The following GRIK2 variants were observed in gnomAD, a reference collection of about 807,000 sequenced individuals.
GRIK2 encodes glutamate ionotropic receptor kainate type subunit 2.
A neutral mutation model predicts 100.3 loss-of-function variants in GRIK2; 32 were observed. That is an observed-to-expected ratio of 0.32 (90% confidence interval 0.24 to 0.43). The LOEUF is 0.43. GRIK2 is among the 20% of genes least tolerant of loss of function. The pLI is 1.00. For synonymous variants in GRIK2, 417 were observed against 389.4 expected, an observed-to-expected ratio of 1.07 and a Z score of -0.83; for missense variants, 843 against 1,114.9, an observed-to-expected ratio of 0.76 and a Z score of 3.47.
chr6:101,555,997 A>C (rs1241521030), intron 2 of GRIK2, among the ~76,000 whole-genome samples: 1 of 152,056 alleles, frequency 6.6e-6, no homozygotes, highest in Non-Finnish European at 1.5e-5. Flanking sequence ...TAGACACTGA[A>C]GTTTTCAGTA....
At chr6:101,521,115 T>C (rs1774860331) in intron 2 of GRIK2, among the ~76,000 whole-genome samples, 1 of 152,102 alleles carries the variant, frequency 6.6e-6, no homozygotes, top group Non-Finnish European at 1.5e-5. Flanking sequence ...ATTAAAAAGT[T>C]TGTAACCATT....
chr6:101,788,705 T>G (rs1482229602), intron 7 of GRIK2, among the ~76,000 whole-genome samples: 2 of 152,224 alleles, frequency 1.3e-5, no homozygotes, highest in Non-Finnish European at 2.9e-5. Flanking sequence ...GCATGATTTA[T>G]AGTCCTTTGG....
intron 16 of GRIK2, among the ~76,000 whole-genome samples, chr6:102,059,317 CTT>C (rs1486639051): frequency 2.0e-5 from 3 of 151,148 alleles, no homozygotes; most frequent in Non-Finnish European, 4.5e-5. Flanking sequence ...TTTATTCAAA[CTT>C]TTAAAATACT....
intron 7 of GRIK2, among the ~76,000 whole-genome samples, chr6:101,790,398 T>A (rs1266128003): frequency 6.6e-6 from 1 of 152,204 alleles, no homozygotes; most frequent in East Asian, 1.9e-4. Context: ...CCTAATTTAT[T>A]GAGAATTTTT....
At chr6:102,032,474 G>T (rs140234125) in intron 14 of GRIK2, among the ~76,000 whole-genome samples, 37 of 151,212 alleles carry the variant, frequency 2.4e-4, no homozygotes, top group African/African-American at 8.9e-4. Flanking sequence ...CCTGCCTAAA[G>T]TTTAAAAAGC....
At chr6:101,746,451 T>C (rs565529986) in intron 7 of GRIK2, among the ~76,000 whole-genome samples, 1 of 152,208 alleles carries the variant, frequency 6.6e-6, no homozygotes, top group African/African-American at 2.4e-5. Flanking sequence ...CTCAGCCTCC[T>C]GAGTAGCTGG....
At chr6:101,639,573 A>G (rs913492166) in intron 4 of GRIK2, among the ~76,000 whole-genome samples, 1 of 151,854 alleles carries the variant, frequency 6.6e-6, no homozygotes, top group African/African-American at 2.4e-5. Context: ...TCTGGGCGAG[A>G]GAGCGACACT....
At chr6:101,935,442 T>G (rs547055553) in intron 14 of GRIK2, among the ~76,000 whole-genome samples, 2 of 152,074 alleles carry the variant, frequency 1.3e-5, no homozygotes, top group South Asian at 4.1e-4. Flanking sequence ...GGAATGAACA[T>G]TCATCTTTTC....
chr6:101,679,932 C>T, intron 5 of GRIK2, among the ~76,000 whole-genome samples: 1 of 152,002 alleles, frequency 6.6e-6, no homozygotes, highest in Admixed American at 6.6e-5. Flanking sequence ...TAGAGACAGG[C>T]TTTCACCATC....
chr6:101,812,008 A>G (rs1161329740), intron 9 of GRIK2, among the ~76,000 whole-genome samples: 1 of 151,496 alleles, frequency 6.6e-6, no homozygotes, highest in East Asian at 1.9e-4. Context: ...CAAAACCTAT[A>G]GTGTAAAATA....
chr6:101,537,264 T>C (rs917882801), intron 2 of GRIK2, among the ~76,000 whole-genome samples: 2 of 151,858 alleles, frequency 1.3e-5, no homozygotes, highest in African/African-American at 4.8e-5. Flanking sequence ...ATTTTTCCCA[T>C]ATTGTTGACA....
chr6:101,992,140 T>G (rs1047580322), intron 14 of GRIK2, among the ~76,000 whole-genome samples: 4 of 151,508 alleles, frequency 2.6e-5, no homozygotes, highest in Non-Finnish European at 5.9e-5. Context: ...TTTATGTTAA[T>G]TAAGAGAGAA....
chr6:101,681,896 G>A (rs1426800874), intron 5 of GRIK2, among the ~76,000 whole-genome samples: 1 of 152,164 alleles, frequency 6.6e-6, no homozygotes, highest in African/African-American at 2.4e-5. Context: ...GAGAGAAAAT[G>A]ACATGGACAC....
At chr6:101,763,984 G>T (rs77113933) in intron 7 of GRIK2, among the ~76,000 whole-genome samples, 1 of 152,032 alleles carries the variant, frequency 6.6e-6, no homozygotes, top group Non-Finnish European at 1.5e-5. Flanking sequence ...AGAGATAAAC[G>T]TTTGTCCTTA....
At chr6:101,796,578 A>C (rs1375329554) in intron 7 of GRIK2, among the ~76,000 whole-genome samples, 1 of 152,206 alleles carries the variant, frequency 6.6e-6, no homozygotes, top group Non-Finnish European at 1.5e-5. Flanking sequence ...AAGTACCCCA[A>C]ACTGGAGAAA....
intron 7 of GRIK2, among the ~76,000 whole-genome samples, chr6:101,739,849 G>GT (rs1463467540): frequency 6.6e-6 from 1 of 152,004 alleles, no homozygotes; most frequent in African/African-American, 2.4e-5. Flanking sequence ...ACAATTTTCT[G>GT]TAAGACATGG....
chr6:101,877,868 A>G (rs1315985170), intron 11 of GRIK2, among the ~76,000 whole-genome samples: 3 of 151,582 alleles, frequency 2.0e-5, no homozygotes, highest in Non-Finnish European at 4.4e-5. Context: ...AGGCTTTGTA[A>G]CTGTAACCTG....
At chr6:101,416,088 T>TG (rs2128239119) in intron 2 of GRIK2, among the ~76,000 whole-genome samples, 1 of 152,270 alleles carries the variant, frequency 6.6e-6, no homozygotes, top group East Asian at 1.9e-4. Flanking sequence ...TGCTTCCAGG[T>TG]CTTATCCTGT....
At chr6:101,790,048 A>G (rs986460975) in intron 7 of GRIK2, among the ~76,000 whole-genome samples, 2 of 152,168 alleles carry the variant, frequency 1.3e-5, no homozygotes, top group African/African-American at 4.8e-5. Context: ...ATTTTTGTAC[A>G]TTGATTTTGT....
Sources: gnomAD v4.1 joint callset for allele counts (sites outside exome capture counted in the v4.1 genomes callset) on GRCh38, gnomAD v4.1.1 for gene constraint, MANE v1.5 for transcripts, NCBI Gene and HGNC (gene_info 2026-07-23, HGNC 2026-07-21) for gene names.